The following METTL8 variants were observed in gnomAD, a reference collection of about 807,000 sequenced individuals.
The protein encoded by METTL8 is tRNA N(3)-cytidine methyltransferase METTL8, mitochondrial.
Under a neutral mutation model 48.7 loss-of-function variants are expected in METTL8, and 32 were observed. The ratio of observed to expected loss-of-function variants is 0.66; its 90% confidence interval spans 0.50 to 0.88. The LOEUF (loss-of-function observed/expected upper bound fraction) is 0.88. Among genes scored for constraint, METTL8 ranks in the 40% least tolerant of loss-of-function variants. METTL8 has a pLI of 0.00. For synonymous variants in METTL8, 136 were observed against 157.1 expected (o/e 0.87, Z 1.01); for missense variants, 464 against 474.4 (o/e 0.98, Z 0.20).
At chr2:171,367,266 T>C (rs575718835) in intron 2 of METTL8, among the ~76,000 whole-genome samples, 1 of 151,942 alleles carries the variant, frequency 6.6e-6, no homozygotes, top group Non-Finnish European at 1.5e-5. Flanking sequence ...AAGATAAAGA[T>C]AAATTTGAAA....
intron 1 of METTL8, among the ~76,000 whole-genome samples, chr2:171,425,691 T>C (rs1030196373): frequency 2.0e-5 from 3 of 152,220 alleles, no homozygotes; most frequent in Admixed American, 1.3e-4. Context: ...AGCAGAGAAT[T>C]AGGTTATGCT....
intron 2 of METTL8, among the ~76,000 whole-genome samples, chr2:171,377,706 G>C (rs1230564199): frequency 2.0e-5 from 3 of 152,126 alleles, no homozygotes; most frequent in Non-Finnish European, 4.4e-5. Context: ...ACTCCTGCAT[G>C]CATGGCCATA....
intron 1 of METTL8, among the ~76,000 whole-genome samples, chr2:171,425,941 G>A (rs185640829): frequency 6.6e-6 from 1 of 152,224 alleles, no homozygotes; most frequent in Admixed American, 6.5e-5. Context: ...GGCAGATCAT[G>A]AAGTCAGGTG....
intron 1 of METTL8, among the ~76,000 whole-genome samples, chr2:171,394,251 C>T (rs961841996): frequency 6.6e-6 from 1 of 152,082 alleles, no homozygotes; most frequent in African/African-American, 2.4e-5. Flanking sequence ...AAATTGATTA[C>T]ACCTAGAAAG....
At chr2:171,342,292 AT>A (rs1414395291) in intron 3 of METTL8, among the ~76,000 whole-genome samples, 4 of 152,228 alleles carry the variant, frequency 2.6e-5, no homozygotes, top group Non-Finnish European at 5.9e-5. Context: ...TCCCATCTGT[AT>A]TTAAGGTCTG....
chr2:171,385,156 T>C (rs896779978), intron 2 of METTL8, among the ~76,000 whole-genome samples: 3 of 151,968 alleles, frequency 2.0e-5, no homozygotes, highest in African/African-American at 7.2e-5. Context: ...CTCATGCCTG[T>C]AATCCCAGCA....
intron 3 of METTL8, among the ~76,000 whole-genome samples, chr2:171,359,116 C>T (rs377303940): frequency 1.3e-5 from 2 of 149,504 alleles, no homozygotes; most frequent in South Asian, 2.1e-4. Flanking sequence ...TCAGATTAAG[C>T]TGCAGTGAGC....
chr2:171,421,681 A>AT (rs1269657025), intron 1 of METTL8, among the ~76,000 whole-genome samples: 2 of 152,148 alleles, frequency 1.3e-5, no homozygotes, highest in Admixed American at 6.5e-5. Flanking sequence ...TTATATGAGG[A>AT]TTTTTTTAAC....
chr2:171,378,994 C>A (rs923818377), intron 2 of METTL8, among the ~76,000 whole-genome samples: 1 of 152,126 alleles, frequency 6.6e-6, no homozygotes, highest in African/African-American at 2.4e-5. Context: ...CTAAAATAGA[C>A]CACATAATTG....
At chr2:171,390,473 T>C (rs1482400356) in intron 2 of METTL8, among the ~76,000 whole-genome samples, 1 of 152,240 alleles carries the variant, frequency 6.6e-6, no homozygotes, top group Non-Finnish European at 1.5e-5. Context: ...GAAAACACTC[T>C]GGAAAGGATT....
intron 2 of METTL8, among the ~76,000 whole-genome samples, chr2:171,362,599 A>AAATAAATC (rs1553516258): frequency 1.3e-4 from 19 of 151,418 alleles, no homozygotes; most frequent in Non-Finnish European, 2.1e-4. Context: ...ATAAATAAAT[A>AAATAAATC]AATCAAAATT....
chr2:171,335,297 G>C (rs1685968244), intron 5 of METTL8, among the ~76,000 whole-genome samples: 1 of 152,040 alleles, frequency 6.6e-6, no homozygotes, highest in South Asian at 2.1e-4. Flanking sequence ...ACTGAGTTTT[G>C]GGAGATATAT....
chr2:171,427,557 T>C (rs1164726586), intron 1 of METTL8, among the ~76,000 whole-genome samples: 1 of 152,156 alleles, frequency 6.6e-6, no homozygotes, highest in Non-Finnish European at 1.5e-5. Context: ...TTATAAGCCT[T>C]AGGAATCCTG....
chr2:171,324,293 T>C lies in METTL8; in HGVS notation c.1103A>G (p.Gln368Arg), dbSNP rs1373132915. ...EKQNLVDRRLQVNRKKQVKMH... is the reference protein window; with the variant it reads ...EKQNLVDRRLRVNRKKQVKMH... ...TTTCACTTGTTTTTTCCTATTAACT[T>C]GTAAGCGGCGATCAACCAGATTTTG... is the stretch of plus-strand genomic sequence containing the variant. Residue 368 changes from glutamine to arginine, a missense_variant, in exon 10 of 10, where the codon CAA becomes CGA. Transcript: ENST00000375258. The C allele has an allele frequency of 1.3e-6, 2 of 1,551,542 alleles. No homozygotes were observed. Among genetic ancestry groups the C allele is most frequent in the African/African-American group, 2.7e-5 (2 of 73,024 alleles).
chr2:171,415,577 C>T (rs756330790), intron 1 of METTL8, among the ~76,000 whole-genome samples: 27 of 151,938 alleles, frequency 1.8e-4, no homozygotes, highest in Non-Finnish European at 3.1e-4. Context: ...GTCTTGAACT[C>T]CTGACCTTGT....
At chr2:171,384,796 C>T (rs182338527) in intron 2 of METTL8, among the ~76,000 whole-genome samples, 2 of 152,230 alleles carry the variant, frequency 1.3e-5, no homozygotes, top group Non-Finnish European at 2.9e-5. Context: ...CATGCCACTG[C>T]ACTCCAGTCT....
chr2:171,336,553 C>A (rs1288189678), intron 5 of METTL8, among the ~76,000 whole-genome samples: 2 of 152,108 alleles, frequency 1.3e-5, no homozygotes, highest in African/African-American at 4.8e-5. Context: ...AGGCGCCCGC[C>A]ACCACGCCTG....
intron 2 of METTL8, among the ~76,000 whole-genome samples, chr2:171,375,959 G>T (rs2105515195): frequency 6.6e-6 from 1 of 152,224 alleles, no homozygotes; most frequent in Middle Eastern, 3.4e-3. Flanking sequence ...TGCTTCTCCT[G>T]CCCTGTAAGC....
At chr2:171,388,341 T>C (rs972898962) in intron 2 of METTL8, among the ~76,000 whole-genome samples, 2 of 152,246 alleles carry the variant, frequency 1.3e-5, no homozygotes, top group Non-Finnish European at 2.9e-5. Flanking sequence ...GGCTCTATAA[T>C]GCCTTATACT....
Sources: gnomAD v4.1 joint callset for allele counts (sites outside exome capture counted in the v4.1 genomes callset) on GRCh38, gnomAD v4.1.1 for gene constraint, MANE v1.5 for transcripts, NCBI Gene and HGNC (gene_info 2026-07-23, HGNC 2026-07-21) for gene names.